R3HDM2: variants seen among roughly 807,000 people sequenced by gnomAD.
R3HDM2 encodes the protein R3H domain-containing protein 2.
R3HDM2 carries 38 observed loss-of-function variants against 124.5 expected under a neutral mutation model. The ratio of observed to expected loss-of-function variants is 0.31; its 90% CI spans 0.24 to 0.40. The LOEUF is 0.40. Ranked by LOEUF, R3HDM2 falls within the 10% of genes least tolerant of loss-of-function variation. The pLI is 1.00. For synonymous variants in R3HDM2, 391 were observed against 448.0 expected (o/e 0.87, Z 1.61); for missense variants, 869 against 1,236.9 (o/e 0.70, Z 4.46).
In R3HDM2 at chr12:57,254,891, C is replaced by T. The variant is rs1297981349; in HGVS notation, c.2855G>A (p.Ser952Asn). Reference sequence around the variant, plus strand: ...GGAGGCATTTTGGGCAGCCAGGGGGCTGGGGAACACAGCCACAATGGTGTA... The same window carrying T: ...GGAGGCATTTTGGGCAGCCAGGGGGTTGGGGAACACAGCCACAATGGTGTA... Reference protein sequence around the residue: ...ALYTIVAVFPSPLAAQNASLR... With the variant: ...ALYTIVAVFPNPLAAQNASLR... Residue 952 changes from serine (S) to asparagine (N), a missense_variant, in exon 24 of 24, where the codon AGC (serine) becomes AAC (asparagine). By Grantham distance (46) the Ser-to-Asn change is conservative. Transcript: ENST00000402412. 2 of 1,614,042 alleles carry T rather than the reference C, an allele frequency of 1.2e-6. No homozygotes were observed.
chr12:57,430,420 C>T (rs1262747315), intron 1 of R3HDM2: 1 of 688,544 alleles, frequency 1.5e-6, no homozygotes, highest in Non-Finnish European at 1.8e-6. Flanking sequence ...GCTAGCCACC[C>T]CGAAGCACTG....
chr12:57,412,909 T>C (rs1266961558), intron 1 of R3HDM2, among the ~76,000 whole-genome samples: 1 of 152,044 alleles, frequency 6.6e-6, no homozygotes, highest in East Asian at 1.9e-4. Context: ...CCCAGTACTT[T>C]GGGAGGCCGA....
chr12:57,422,399 T>C (rs979160002), intron 1 of R3HDM2, among the ~76,000 whole-genome samples: 2 of 152,184 alleles, frequency 1.3e-5, no homozygotes, highest in Admixed American at 6.6e-5. Context: ...GAATCCCATA[T>C]GTAGCCTCAT....
chr12:57,391,477 A>C (rs1438015193), intron 2 of R3HDM2, among the ~76,000 whole-genome samples: 1 of 152,230 alleles, frequency 6.6e-6, no homozygotes, highest in Admixed American at 6.5e-5. Context: ...AAAGGGCAAC[A>C]AGAAAGATCC....
At chr12:57,402,477 T>C (rs535386525) in intron 1 of R3HDM2, among the ~76,000 whole-genome samples, 29 of 152,158 alleles carry the variant, frequency 1.9e-4, no homozygotes, top group African/African-American at 6.7e-4. Context: ...GCCTCCCAAA[T>C]AGCCATGCAC....
chr12:57,334,018 C>T (rs1436619877), intron 2 of R3HDM2, among the ~76,000 whole-genome samples: 1 of 150,482 alleles, frequency 6.6e-6, no homozygotes, highest in Non-Finnish European at 1.5e-5. Flanking sequence ...CAGCCTGGGA[C>T]AGAGCGAGAC....
chr12:57,416,542 T>C (rs1176681469), intron 1 of R3HDM2, among the ~76,000 whole-genome samples: 1 of 152,160 alleles, frequency 6.6e-6, no homozygotes, highest in Non-Finnish European at 1.5e-5. Context: ...CCAGGCACAA[T>C]GACTCACACC....
At chr12:57,371,380 T>C (rs530251388) in intron 2 of R3HDM2, among the ~76,000 whole-genome samples, 1 of 152,050 alleles carries the variant, frequency 6.6e-6, no homozygotes, top group African/African-American at 2.4e-5. Flanking sequence ...AAAAGAAACA[T>C]CAGTTCTGAT....
At chr12:57,379,480 T>C (rs944518253) in intron 2 of R3HDM2, among the ~76,000 whole-genome samples, 8 of 151,938 alleles carry the variant, frequency 5.3e-5, no homozygotes, top group African/African-American at 1.5e-4. Context: ...CTCGGGAGGC[T>C]GAGGCAGGAG....
At chr12:57,267,215 T>TAA (rs959963657) in intron 18 of R3HDM2, among the ~76,000 whole-genome samples, 1 of 141,200 alleles carries the variant, frequency 7.1e-6, no homozygotes, top group Non-Finnish European at 1.6e-5. Flanking sequence ...AAGAGATGGG[T>TAA]AAAAAAAAAA....
chr12:57,307,774 C>T (rs774757971), intron 3 of R3HDM2, among the ~76,000 whole-genome samples: 5 of 151,052 alleles, frequency 3.3e-5, no homozygotes, highest in East Asian at 4.0e-4. Flanking sequence ...TACAGGGACA[C>T]GCCACATGCC....
intron 11 of R3HDM2, among the ~76,000 whole-genome samples, chr12:57,290,683 G>A (rs2048389290): frequency 6.6e-6 from 1 of 152,114 alleles, no homozygotes; most frequent in African/African-American, 2.4e-5. Context: ...GCACGATCTT[G>A]GCTCACCACA....
chr12:57,363,675 T>C (rs757789765), intron 2 of R3HDM2, among the ~76,000 whole-genome samples: 53 of 152,298 alleles, frequency 3.5e-4, no homozygotes, highest in Middle Eastern at 6.8e-3. Flanking sequence ...ATCATCACTA[T>C]GTAACCCATA....
intron 2 of R3HDM2, chr12:57,341,435 GA>G: frequency 2.0e-6 from 2 of 984,066 alleles, no homozygotes; most frequent in Non-Finnish European, 2.4e-6. Context: ...CTCCCTCTCA[GA>G]AGAAAAAGAC....
chr12:57,386,204 T>A (rs1315349182), intron 2 of R3HDM2, among the ~76,000 whole-genome samples: 1 of 152,216 alleles, frequency 6.6e-6, no homozygotes, highest in East Asian at 1.9e-4. Flanking sequence ...GGGCTCCCAC[T>A]TTGGCGGCAC....
chr12:57,269,029 C>G lies in R3HDM2; in HGVS notation c.1768G>C (p.Gly590Arg). ...QQQAAYQGMI[G>R]VQQPQNQGLL... ...CCCTGGTTCTGTGGCTGCTGGACCCCAATCATGCCTTGGTAAGCCGCCTGC... is the reference window on the plus strand; with the variant it reads ...CCCTGGTTCTGTGGCTGCTGGACCCGAATCATGCCTTGGTAAGCCGCCTGC... Residue 590 changes from glycine to arginine, a missense_variant, in exon 17 of 24, where the codon GGG becomes CGG. Around this residue, in one of 2 missense-constraint regions of R3HDM2, gnomAD observed 602 missense variants for 789.2 expected, o/e 0.76. Transcript: ENST00000402412. The G allele has an allele frequency of 1.2e-6, 2 of 1,614,214 alleles. No individual in the cohort carries two copies. The highest frequency in any genetic ancestry group is 1.7e-6 in the Non-Finnish European group (2 of 1,180,034).
intron 19 of R3HDM2, among the ~76,000 whole-genome samples, chr12:57,263,027 T>A (rs908486653): frequency 2.6e-5 from 4 of 152,240 alleles, no homozygotes; most frequent in African/African-American, 9.6e-5. Flanking sequence ...CTTCTAACCC[T>A]GGTCCAGATT....
chr12:57,389,806 A>G (rs1406161059), intron 2 of R3HDM2, among the ~76,000 whole-genome samples: 4 of 152,232 alleles, frequency 2.6e-5, no homozygotes, highest in Admixed American at 2.6e-4. Flanking sequence ...ATATCCAAAA[A>G]GAACCCTGAA....
intron 2 of R3HDM2, among the ~76,000 whole-genome samples, chr12:57,394,661 G>C (rs1009078569): frequency 6.6e-6 from 1 of 152,134 alleles, no homozygotes; most frequent in Non-Finnish European, 1.5e-5. Flanking sequence ...TAACTGATAT[G>C]ATAGTACTGC....
Sources: allele counts gnomAD v4.1 joint callset (sites outside exome capture counted in the v4.1 genomes callset), GRCh38; gene constraint gnomAD v4.1.1; regional missense constraint gnomAD v4.1.1; transcripts MANE v1.5; gene names NCBI Gene and HGNC (gene_info 2026-07-23, HGNC 2026-07-21).